The following PFDN2 variants were observed in gnomAD, a reference collection of about 807,000 sequenced individuals.
PFDN2 encodes the protein prefoldin 2.
Under a neutral mutation model 18.3 loss-of-function variants are expected in PFDN2, and 7 were observed. The observed-to-expected ratio is 0.38, with a 90% confidence interval of 0.22 to 0.72. The LOEUF (loss-of-function observed/expected upper bound fraction) is 0.72. PFDN2 is among the 30% of genes least tolerant of loss of function. The pLI is 0.47. For synonymous variants in PFDN2, 76 were observed against 75.0 expected, an observed-to-expected ratio of 1.01 and a Z score of -0.07; for missense variants, 181 against 199.1, an observed-to-expected ratio of 0.91 and a Z score of 0.55.
intron 1 of PFDN2, among the ~76,000 whole-genome samples, chr1:161,109,611 C>G (rs1048683409): frequency 6.6e-6 from 1 of 152,092 alleles, no homozygotes; most frequent in Non-Finnish European, 1.5e-5. Flanking sequence ...TCATTTAATT[C>G]TAAAAAACAA....
chr1:161,112,209 TG>T (rs1654826163), intron 1 of PFDN2, among the ~76,000 whole-genome samples: 1 of 152,228 alleles, frequency 6.6e-6, no homozygotes, highest in East Asian at 1.9e-4. Context: ...CACAGAATGT[TG>T]TAAGGATTAA....
chr1:161,100,786 T>C lies in PFDN2; in HGVS notation c.362A>G (p.Lys121Arg), dbSNP rs777091565. 17 of 1,613,976 alleles carry C rather than the reference T, an allele frequency of 1.1e-5. No homozygotes were observed. In the South Asian group the frequency reaches 1.9e-4, roughly 18 times the overall value. The change falls in exon 4 of 4, where the codon AAG (lysine) becomes AGG (arginine). Residue 121 changes from lysine to arginine, a missense_variant. By Grantham distance (26) the Lys-to-Arg change is conservative (BLOSUM62 2). Coordinates refer to ENST00000368010, the MANE Select transcript of PFDN2 (RefSeq NM_012394.4). ...TTCTCCCATGAGACGAATGTTGTGCTTTTCCCGGAATTCATTTAGTTCTTT... is the reference window on the plus strand; with the variant it reads ...TTCTCCCATGAGACGAATGTTGTGCCTTTCCCGGAATTCATTTAGTTCTTT... ...KGKELNEFRE[K>R]HNIRLMGEDE...
At chr1:161,107,163 C>G (rs531332704) in intron 1 of PFDN2, among the ~76,000 whole-genome samples, 1 of 152,166 alleles carries the variant, frequency 6.6e-6, no homozygotes, top group Admixed American at 6.5e-5. Context: ...TGATGGCTCA[C>G]GCCTGTAATC....
In PFDN2 at chr1:161,117,978, C is replaced by G. The variant is rs1317322048; in HGVS notation, c.49G>C (p.Gly17Arg). The G allele has an allele frequency of 6.2e-7, 1 of 1,612,898 alleles. No homozygotes were observed. Among genetic ancestry groups the G allele is most frequent in the Non-Finnish European group, 8.5e-7 (1 of 1,179,532 alleles). Reference protein sequence around the residue: ...RAGKSSGSGAGKGAVSAEQVI... With the variant: ...RAGKSSGSGARKGAVSAEQVI... The stretch of plus-strand genomic sequence containing the variant: ...TGCTCTGCGGACACCGCCCCCTTCC[C>G]CGCGCCGCTCCCGCTGCTCTTGCCG... The change falls in exon 1 of 4, where the codon GGG becomes CGG. Residue 17 changes from glycine to arginine, a missense_variant. Gly to Arg is a moderately radical substitution (Grantham distance 125, BLOSUM62 -2). Coordinates refer to ENST00000368010, the MANE Select transcript of PFDN2 (RefSeq NM_012394.4).
chr1:161,102,335 C>A lies in PFDN2; in HGVS notation c.116G>T (p.Gly39Val). ...GFNRLRQEQR[G>V]LASKAAELEM... Reference sequence around the variant, plus strand: ...CAACTCAGCTGCTTTGGATGCCAGGCCTCGCTGTTCCTGCCGAAGGCGGTT... The same window carrying A: ...CAACTCAGCTGCTTTGGATGCCAGGACTCGCTGTTCCTGCCGAAGGCGGTT... Residue 39 changes from glycine to valine, a missense_variant, in exon 2 of 4, where the codon GGC becomes GTC. Gly to Val is a moderately radical substitution (Grantham distance 109). Transcript: ENST00000368010. 6.2e-7 allele frequency: 1 copy of A among 1,614,204 alleles called. No individual in the cohort carries two copies. Among genetic ancestry groups the A allele is most frequent in the African/African-American group, 1.3e-5 (1 of 75,058 alleles).
chr1:161,102,432 G>T, intron 1 of PFDN2, 57 bp from the exon 2 acceptor site: 2 of 1,341,228 alleles, frequency 1.5e-6, no homozygotes, highest in Non-Finnish European at 2.1e-6. Flanking sequence ...AGAGGGTCCA[G>T]ATAGCACATA....
intron 1 of PFDN2, among the ~76,000 whole-genome samples, chr1:161,117,440 G>C (rs1387551029): frequency 6.6e-6 from 1 of 152,182 alleles, no homozygotes; most frequent in African/African-American, 2.4e-5. Context: ...GGTCTCTAAA[G>C]AAATTCGATC....
intron 1 of PFDN2, among the ~76,000 whole-genome samples, chr1:161,107,424 C>CAAAAA (rs34132641): frequency 5.9e-5 from 4 of 68,288 alleles, no homozygotes; most frequent in Admixed American, 1.7e-4. Flanking sequence ...GACTCTGTCT[C>CAAAAA]AAAAAAAAAA....
In PFDN2 at chr1:161,103,683, C is replaced by CAAAAAAAAA. The variant is rs553472563; in HGVS notation, c.76-1317_76-1309dup. Among the ~76,000 whole-genome samples the CAAAAAAAAA allele has an allele frequency of 2.1e-3, 156 of 74,900 alleles. 5 individuals carry two copies. Among genetic ancestry groups the CAAAAAAAAA allele is most frequent in the South Asian group, 4.0e-3 (7 of 1,766 alleles). The allele number at this position is 74,900 out of a possible 152,430, so 49.1% of individuals were successfully genotyped here. A position where few individuals can be genotyped will look rare whatever the true frequency, so the allele number is the denominator to read the frequency against. The stretch of plus-strand genomic sequence containing the variant: ...CTGGCAACAGAGCAAGACTCCGTCT[C>CAAAAAAAAA]AAAAAAAAAAAAAAAAAAAAAAAAA... On this transcript the variant is annotated intron_variant, in intron 1 of 3. Coordinates refer to ENST00000368010, the MANE Select transcript of PFDN2 (RefSeq NM_012394.4).
chr1:161,110,026 C>T (rs961303132), intron 1 of PFDN2, among the ~76,000 whole-genome samples: 1 of 151,774 alleles, frequency 6.6e-6, no homozygotes, highest in African/African-American at 2.4e-5. Flanking sequence ...TACACTCCAG[C>T]CTGGGTGACA....
Position 161,111,449 on chromosome 1 carries a change from T to C in PFDN2, c.75+6503A>G, listed in dbSNP as rs530036760. The stretch of plus-strand genomic sequence containing the variant: ...CCAAATCATTCTTTGCTAGGAGGGC[T>C]GTCTCAGGCATTATAGGATGTTTAA... On this transcript the variant is annotated intron_variant, in intron 1 of 3. Coordinates refer to ENST00000368010, the MANE Select transcript of PFDN2 (RefSeq NM_012394.4). 2.0e-5 allele frequency among the ~76,000 whole-genome samples: 3 copies of C among 152,328 alleles called. No individual in the cohort carries two copies. In the South Asian group the frequency reaches 6.2e-4, roughly 32 times the overall value.
chr1:161,111,940 T>G (rs1654818566), intron 1 of PFDN2, among the ~76,000 whole-genome samples: 1 of 152,230 alleles, frequency 6.6e-6, no homozygotes, highest in Non-Finnish European at 1.5e-5. Context: ...CTTCTATAGT[T>G]CCAGCAATTG....
chr1:161,114,982 T>C lies in PFDN2; in HGVS notation c.75+2970A>G, dbSNP rs531463001. On this transcript the variant is annotated intron_variant, in intron 1 of 3. Coordinates refer to ENST00000368010, the MANE Select transcript of PFDN2 (RefSeq NM_012394.4). ...CAATTTGAAGACAAAGTCTGTTTCA[T>C]GTACAATAGTCTCTCATTATCCAGA... Among the ~76,000 whole-genome samples, 9 of 152,356 alleles carry C rather than the reference T, an allele frequency of 5.9e-5. No individual in the cohort carries two copies. In the East Asian group the frequency reaches 1.7e-3, roughly 29 times the overall value.
intron 1 of PFDN2, among the ~76,000 whole-genome samples, chr1:161,105,273 T>A (rs1654655573): frequency 6.7e-6 from 1 of 148,262 alleles, no homozygotes; most frequent in Admixed American, 6.7e-5. Flanking sequence ...ACCACGCAAT[T>A]ATTTTTATTT....
At chr1:161,111,962 C>A (rs1448554015) in intron 1 of PFDN2, among the ~76,000 whole-genome samples, 1 of 152,164 alleles carries the variant, frequency 6.6e-6, no homozygotes. Flanking sequence ...CTTTATTCTA[C>A]TTGCCTGCAA....
In PFDN2 at chr1:161,109,629, G is replaced by A. The variant is rs149723972; in HGVS notation, c.76-7254C>T. 4.3e-3 allele frequency among the ~76,000 whole-genome samples: 649 copies of A among 152,204 alleles called. 5 individuals are homozygous for A. The highest frequency in any genetic ancestry group is 0.015 in the African/African-American group (627 of 41,522). ...TTTAATTCTAAAAAACAAAAAAGAC[G>A]GTAAGACCTGTACCTTCAATTTGTA... On this transcript the variant is annotated intron_variant, in intron 1 of 3. Transcript: ENST00000368010.
intron 1 of PFDN2, among the ~76,000 whole-genome samples, chr1:161,116,370 G>A (rs1309796322): frequency 6.6e-6 from 1 of 152,088 alleles, no homozygotes; most frequent in African/African-American, 2.4e-5. Context: ...ACAACAATTA[G>A]CCAGGTATGG....
chr1:161,107,476 T>C (rs1200285772), intron 1 of PFDN2, among the ~76,000 whole-genome samples: 1 of 150,900 alleles, frequency 6.6e-6, no homozygotes, highest in Non-Finnish European at 1.5e-5. Flanking sequence ...TTAGAACATT[T>C]AGGTTGTTTC....
At chr1:161,117,680 T>C (rs557754081) in intron 1 of PFDN2, among the ~76,000 whole-genome samples, 1 of 152,206 alleles carries the variant, frequency 6.6e-6, no homozygotes, top group East Asian at 1.9e-4. Context: ...GCAAACCATC[T>C]CCCCTCAGAC....
Sources: gnomAD v4.1 joint callset for allele counts (sites outside exome capture counted in the v4.1 genomes callset) on GRCh38, gnomAD v4.1.1 for gene constraint, MANE v1.5 for transcripts, NCBI Gene and HGNC (gene_info 2026-07-23, HGNC 2026-07-21) for gene names.